The following CALN1 variants were observed in gnomAD, a reference collection of about 807,000 sequenced individuals.
The protein encoded by CALN1 is calneuron 1, also known as calcium-binding protein 8.
Under a neutral mutation model 30.6 loss-of-function variants are expected in CALN1, and 17 were observed. That is an observed-to-expected ratio of 0.56 (90% CI 0.38 to 0.83). The LOEUF is 0.83. Ranked by LOEUF, CALN1 falls within the 40% of genes least tolerant of loss-of-function variation. The probability of loss-of-function intolerance (pLI) is 0.00; values close to 1 mark genes in which losing one functional copy is unlikely to be tolerated. For synonymous variants in CALN1, 156 were observed against 131.4 expected, an observed-to-expected ratio of 1.19 and a Z score of -1.28; for missense variants, 291 against 354.9, an observed-to-expected ratio of 0.82 and a Z score of 1.45.
intron 3 of CALN1, among the ~76,000 whole-genome samples, chr7:72,189,955 G>C (rs750266209): frequency 7.2e-5 from 11 of 152,048 alleles, no homozygotes; most frequent in Non-Finnish European, 1.3e-4. Context: ...TTTTGTGCCT[G>C]TATCAGCGTT....
At chr7:71,801,428 G>GTATCATCTATC (rs1787303302) in intron 6 of CALN1, among the ~76,000 whole-genome samples, 1 of 87,698 alleles carries the variant, frequency 1.1e-5, no homozygotes, top group Non-Finnish European at 2.2e-5. Context: ...ATGTATGTAT[G>GTATCATCTATC]TATCTATCTA....
At chr7:72,125,184 T>C (rs950997282) in intron 3 of CALN1, among the ~76,000 whole-genome samples, 3 of 152,032 alleles carry the variant, frequency 2.0e-5, no homozygotes, top group African/African-American at 7.2e-5. Flanking sequence ...AGCTAATCTG[T>C]GTATTTTTTT....
rs569124629 is a variant in CALN1, at chr7:72,055,667, A to G, written c.389-31898T>C. ...GTACTTTATATAGCTGAAAGCAAAT[A>G]CATTTTAAAACTTTTGTGAAATGAG... is the stretch of plus-strand genomic sequence containing the variant. On this transcript the variant is annotated intron_variant, in intron 4 of 6. Transcript: ENST00000395275. 3.5e-4 allele frequency among the ~76,000 whole-genome samples: 54 copies of G among 152,308 alleles called. 1 individual carries two copies. The highest frequency in any genetic ancestry group is 6.6e-4 in the Non-Finnish European group (45 of 68,036).
intron 2 of CALN1, among the ~76,000 whole-genome samples, chr7:72,319,567 G>A (rs1272877453): frequency 2.0e-5 from 3 of 152,006 alleles, no homozygotes; most frequent in African/African-American, 7.3e-5. Flanking sequence ...ACACACAATG[G>A]AATACTACTT....
chr7:71,911,468 T>C (rs1324718554), intron 5 of CALN1, among the ~76,000 whole-genome samples: 3 of 152,140 alleles, frequency 2.0e-5, no homozygotes, highest in Non-Finnish European at 2.9e-5. Flanking sequence ...GTTGGGGTCC[T>C]TTATTTGCCC....
chr7:72,401,268 A>AG (rs1806321817), intron 2 of CALN1, among the ~76,000 whole-genome samples: 1 of 152,070 alleles, frequency 6.6e-6, no homozygotes, highest in Non-Finnish European at 1.5e-5. Context: ...GCTGAACCTA[A>AG]GGGGAGAACA....
chr7:72,117,513 G>A (rs1268130825), intron 3 of CALN1, among the ~76,000 whole-genome samples: 3 of 152,104 alleles, frequency 2.0e-5, no homozygotes, highest in South Asian at 2.1e-4. Flanking sequence ...AAAGGGAAGG[G>A]ATATAACAAG....
chr7:71,860,160 C>T (rs1246616488), intron 5 of CALN1, among the ~76,000 whole-genome samples: 1 of 151,952 alleles, frequency 6.6e-6, no homozygotes, highest in African/African-American at 2.4e-5. Flanking sequence ...TCGGGAAAGC[C>T]CTGCTCTGCC....
chr7:72,266,151 C>A (rs1378085914), intron 3 of CALN1, among the ~76,000 whole-genome samples: 1 of 151,404 alleles, frequency 6.6e-6, no homozygotes, highest in Non-Finnish European at 1.5e-5. Flanking sequence ...AAAAAAAAAA[C>A]TAAACTACAA....
At chr7:71,910,813 C>T (rs1794389288) in intron 5 of CALN1, among the ~76,000 whole-genome samples, 1 of 152,142 alleles carries the variant, frequency 6.6e-6, no homozygotes, top group Non-Finnish European at 1.5e-5. Flanking sequence ...GTCCTATGAA[C>T]CTGGGCACTA....
chr7:72,490,336 A>G, the CALN1 span, among the ~76,000 whole-genome samples: 1 of 152,230 alleles, frequency 6.6e-6, no homozygotes, highest in Non-Finnish European at 1.5e-5. Flanking sequence ...AAAGACTGGC[A>G]GAAAATACTA....
chr7:71,957,709 G>A (rs1797031513), intron 5 of CALN1, among the ~76,000 whole-genome samples: 1 of 152,096 alleles, frequency 6.6e-6, no homozygotes, highest in Non-Finnish European at 1.5e-5. Flanking sequence ...AACTAGGAAT[G>A]TTCTCATTTT....
At chr7:72,277,721 G>A (rs1797427952) in intron 3 of CALN1, among the ~76,000 whole-genome samples, 1 of 152,094 alleles carries the variant, frequency 6.6e-6, no homozygotes, top group Non-Finnish European at 1.5e-5. Flanking sequence ...CACTGTCTCA[G>A]AGCCAAATGT....
chr7:71,883,394 A>G (rs1210972144), intron 5 of CALN1, among the ~76,000 whole-genome samples: 1 of 152,186 alleles, frequency 6.6e-6, no homozygotes, highest in Non-Finnish European at 1.5e-5. Flanking sequence ...ACAAAAACCA[A>G]AAATGGTGGG....
chr7:72,387,191 A>AG (rs1339645962), intron 2 of CALN1, among the ~76,000 whole-genome samples: 2 of 121,830 alleles, frequency 1.6e-5, no homozygotes, highest in African/African-American at 6.1e-5. Context: ...AAACTAAGGA[A>AG]GGGAGGGAGG....
chr7:72,054,458 CATATAT>C (rs140183098), intron 4 of CALN1, among the ~76,000 whole-genome samples: 3 of 129,082 alleles, frequency 2.3e-5, no homozygotes, highest in African/African-American at 9.3e-5. Flanking sequence ...CATATATATA[CATATAT>C]ATACATATAT....
At chr7:71,974,898 C>T (rs1231678781) in intron 5 of CALN1, among the ~76,000 whole-genome samples, 6 of 152,120 alleles carry the variant, frequency 3.9e-5, no homozygotes, top group African/African-American at 1.4e-4. Flanking sequence ...TCCATTTGGG[C>T]AATAGTTCTG....
chr7:72,129,967 T>C (rs980465380), intron 3 of CALN1, among the ~76,000 whole-genome samples: 7 of 152,154 alleles, frequency 4.6e-5, no homozygotes, highest in African/African-American at 1.7e-4. Flanking sequence ...AGATCCTTCA[T>C]GAATAGATTA....
chr7:72,145,209 T>C (rs1420430444), intron 3 of CALN1, among the ~76,000 whole-genome samples: 1 of 151,780 alleles, frequency 6.6e-6, no homozygotes, highest in Non-Finnish European at 1.5e-5. Flanking sequence ...ATCAACAAAA[T>C]TGATAGATTG....
Sources: gnomAD v4.1 joint callset for allele counts (sites outside exome capture counted in the v4.1 genomes callset) on GRCh38, gnomAD v4.1.1 for gene constraint, MANE v1.5 for transcripts, NCBI Gene and HGNC (gene_info 2026-07-23, HGNC 2026-07-21) for gene names.